The following SEMA3A variants were observed in gnomAD, a reference collection of about 807,000 sequenced individuals.
The protein encoded by SEMA3A is semaphorin 3A.
In SEMA3A, 29 loss-of-function variants were observed where a neutral mutation model predicts 97.9. The observed-to-expected ratio is 0.30, with a 90% CI of 0.22 to 0.40. The LOEUF (loss-of-function observed/expected upper bound fraction) is 0.40, where lower values mean the gene tolerates loss of function less well. Ranked by LOEUF, SEMA3A falls within the 10% of genes least tolerant of loss-of-function variation. The pLI, the probability that SEMA3A is intolerant of heterozygous loss-of-function variation, is 1.00. For synonymous variants in SEMA3A, 321 were observed against 323.7 expected (o/e 0.99, Z 0.09); for missense variants, 763 against 951.3 (o/e 0.80, Z 2.60).
chr7:84,298,120 C>A (rs1358036314), intron 3 of SEMA3A, among the ~76,000 whole-genome samples: 1 of 152,114 alleles, frequency 6.6e-6, no homozygotes, highest in Non-Finnish European at 1.5e-5. Context: ...GGAGGGAGAA[C>A]TGATTCATCA....
At position 84,371,029 on chromosome 7, in the gene SEMA3A, G is replaced by C. The variant is rs76567883; in HGVS notation, c.-169+795C>G. Among the ~76,000 whole-genome samples the C allele has an allele frequency of 1.7e-3, 254 of 151,490 alleles. 2 individuals carry two copies. The highest frequency in any genetic ancestry group is 5.0e-3 in the Admixed American group (76 of 15,106). The stretch of plus-strand genomic sequence containing the variant: ...GAGGAGGTAAATAGGTAGGTATATA[G>C]ATAGGTAATATGTATATCTACCCTA... On this transcript the variant is annotated intron_variant, in intron 2 of 3. Transcript: ENST00000424555.
chr7:84,292,273 A>C (rs1008739416), intron 3 of SEMA3A, among the ~76,000 whole-genome samples: 1 of 152,078 alleles, frequency 6.6e-6, no homozygotes, highest in Admixed American at 6.6e-5. Context: ...CCTAATTGTC[A>C]GTGCTTATTT....
At chr7:84,347,210 A>G (rs1348520720) in intron 2 of SEMA3A, among the ~76,000 whole-genome samples, 1 of 152,180 alleles carries the variant, frequency 6.6e-6, no homozygotes, top group Non-Finnish European at 1.5e-5. Flanking sequence ...AAATGAAAAC[A>G]TGCATTTCCA....
At chr7:84,113,282 T>C (rs541089599) in intron 3 of SEMA3A, among the ~76,000 whole-genome samples, 26 of 152,292 alleles carry the variant, frequency 1.7e-4, no homozygotes, top group African/African-American at 6.3e-4. Flanking sequence ...TTAGTAAGGA[T>C]TTGTTCTTAA....
intron 6 of SEMA3A, among the ~76,000 whole-genome samples, chr7:84,015,319 A>G (rs1490124845): frequency 6.6e-6 from 1 of 152,156 alleles, no homozygotes; most frequent in Non-Finnish European, 1.5e-5. Context: ...AGTCATGAAT[A>G]TCTGTGCAAT....
Position 84,099,171 on chromosome 7 carries a change from C to T in SEMA3A, c.453+11299G>A, listed in dbSNP as rs1363994978. Among the ~76,000 whole-genome samples the T allele has an allele frequency of 2.8e-5, 2 of 70,468 alleles. 1 individual carries two copies. The highest frequency in any genetic ancestry group is 3.9e-4 in the Admixed American group (2 of 5,150). The allele number at this position is 70,468 out of a possible 152,430, so 46.2% of individuals were successfully genotyped here. A position where few individuals can be genotyped will look rare whatever the true frequency, so the allele number is the denominator to read the frequency against. On this transcript the variant is annotated intron_variant, in intron 4 of 16. Transcript: ENST00000265362. ...CTGCAAGCTCCGCCTCCCGGGTTCA[C>T]GCCATTCTCCTGCCTCAGCCTCCCG... is the stretch of plus-strand genomic sequence containing the variant.
chr7:84,090,927 C>T (rs1461805749), intron 4 of SEMA3A, among the ~76,000 whole-genome samples: 2 of 150,816 alleles, frequency 1.3e-5, no homozygotes, highest in Non-Finnish European at 3.0e-5. Flanking sequence ...ATTAGCTGGG[C>T]GTGGTGGCTC....
At chr7:84,002,587 T>C (rs991169601) in intron 11 of SEMA3A, among the ~76,000 whole-genome samples, 1 of 152,206 alleles carries the variant, frequency 6.6e-6, no homozygotes, top group African/African-American at 2.4e-5. Context: ...CTGCTCTTCT[T>C]GTCATCTAAA....
At chr7:84,342,580 C>T (rs796490596) in intron 2 of SEMA3A, among the ~76,000 whole-genome samples, 11 of 152,232 alleles carry the variant, frequency 7.2e-5, no homozygotes, top group Admixed American at 5.9e-4. Context: ...ACCTTATACT[C>T]GTGTGCACAC....
chr7:84,219,145 A>T (rs1243121592), intron 3 of SEMA3A, among the ~76,000 whole-genome samples: 2 of 152,182 alleles, frequency 1.3e-5, no homozygotes, highest in Non-Finnish European at 2.9e-5. Flanking sequence ...TGACAAAAAA[A>T]TCATCTTCAA....
intron 4 of SEMA3A, among the ~76,000 whole-genome samples, chr7:84,068,557 A>C (rs1410589149): frequency 6.6e-6 from 1 of 152,106 alleles, no homozygotes; most frequent in African/African-American, 2.4e-5. Context: ...TATATTACAG[A>C]CTAAAAGAAG....
chr7:84,408,843 A>G (rs1182742688), intron 1 of SEMA3A, among the ~76,000 whole-genome samples: 1 of 151,748 alleles, frequency 6.6e-6, no homozygotes, highest in Non-Finnish European at 1.5e-5. Flanking sequence ...GAATTGAACA[A>G]TGAGAATACA....
At chr7:84,114,788 C>A (rs964172202) in intron 3 of SEMA3A, among the ~76,000 whole-genome samples, 1 of 151,772 alleles carries the variant, frequency 6.6e-6, no homozygotes, top group Non-Finnish European at 1.5e-5. Context: ...TTTCTTTTAA[C>A]ATTGTGCTAT....
chr7:84,189,177 A>G (rs1228579321), intron 1 of SEMA3A, among the ~76,000 whole-genome samples: 1 of 151,896 alleles, frequency 6.6e-6, no homozygotes, highest in Non-Finnish European at 1.5e-5. Flanking sequence ...AACCTTCACT[A>G]CAAGTGCAAA....
intron 1 of SEMA3A, among the ~76,000 whole-genome samples, chr7:84,189,907 TGTTTA>T (rs1022391479): frequency 6.2e-4 from 94 of 151,850 alleles, no homozygotes; most frequent in African/African-American, 2.1e-3. Context: ...TCAATATATC[TGTTTA>T]GTTTGCTAAT....
chr7:84,017,270 A>C (rs1299445584), intron 6 of SEMA3A, among the ~76,000 whole-genome samples: 1 of 152,180 alleles, frequency 6.6e-6, no homozygotes, highest in East Asian at 1.9e-4. Flanking sequence ...TATCTTACAA[A>C]TGTGGACTCT....
intron 2 of SEMA3A, among the ~76,000 whole-genome samples, chr7:84,332,210 T>G (rs1466909178): frequency 6.6e-6 from 1 of 152,154 alleles, no homozygotes; most frequent in Admixed American, 6.6e-5. Flanking sequence ...CAGATGTTCC[T>G]ATCAGAATAT....
At chr7:84,061,205 G>A (rs1425443855) in intron 4 of SEMA3A, among the ~76,000 whole-genome samples, 1 of 152,142 alleles carries the variant, frequency 6.6e-6, no homozygotes, top group East Asian at 1.9e-4. Flanking sequence ...TGGTGTCAAT[G>A]GAATAACAAG....
intron 1 of SEMA3A, among the ~76,000 whole-genome samples, chr7:84,464,536 CCTT>C (rs1805942188): frequency 6.6e-6 from 1 of 152,070 alleles, no homozygotes; most frequent in Non-Finnish European, 1.5e-5. Flanking sequence ...CGAAAGAACT[CCTT>C]GAGTGAAATA....
Sources: allele counts gnomAD v4.1 joint callset (sites outside exome capture counted in the v4.1 genomes callset), GRCh38; gene constraint gnomAD v4.1.1; transcripts MANE v1.5; gene names NCBI Gene and HGNC (gene_info 2026-07-23, HGNC 2026-07-21).